APOBR: variants seen among roughly 807,000 people sequenced by gnomAD.
APOBR encodes the protein apoB-48R.
A neutral mutation model predicts 88.5 loss-of-function variants in APOBR; 57 were observed. The observed-to-expected ratio is 0.64, with a 90% CI of 0.52 to 0.80. The LOEUF (loss-of-function observed/expected upper bound fraction) is 0.80, where lower values mean the gene tolerates loss of function less well. Ranked by LOEUF, APOBR falls within the 30% of genes least tolerant of loss-of-function variation. The probability of loss-of-function intolerance (pLI) is 0.00; values close to 1 mark genes in which losing one functional copy is unlikely to be tolerated. For missense variants in APOBR, 1,443 were observed against 1,401.6 expected (o/e 1.03, Z -0.47); for synonymous variants, 588 against 572.7 (o/e 1.03, Z -0.38).
At position 28,496,096 on chromosome 16, in the gene APOBR, AGGAGGCCGGGACAGCCTCAGGAGGGG is replaced by A; in HGVS notation, c.1056_1081del (p.Glu353GlyfsTer21). On this transcript the variant is annotated frameshift_variant, in exon 2 of 4. Coordinates refer to ENST00000564831, the MANE Select transcript of APOBR (RefSeq NM_018690.4). LOFTEE classifies it high-confidence loss of function. ...GAGGCTGGGACAGCCTCAGGAGGGG[AGGAGGCCGGGACAGCCTCAGGAGGGG>A]AGGAGGCCGGGACAGCCTCAGGAGG... 1 of 739,444 alleles carries A rather than the reference AGGAGGCCGGGACAGCCTCAGGAGGGG, an allele frequency of 1.4e-6. No homozygotes were observed. 45.8% of individuals were successfully genotyped at this position (739,444 alleles called of 1,614,324 possible).
chr16:28,498,820 C>T lies in APOBR; in HGVS notation c.*315C>T, dbSNP rs954927605. On this transcript the variant is annotated 3_prime_UTR_variant, in exon 4 of 4. Transcript: ENST00000564831. ...CAAGGAGGCTGGGCACGGGGGCTCA[C>T]GCCTGTCACCCCAGAGCTTTGGGAG... The T allele has an allele frequency of 3.4e-5, 19 of 562,810 alleles. No individual in the cohort carries two copies. In the East Asian group the frequency reaches 5.0e-4, roughly 15 times the overall value. The allele number at this position is 562,810 out of a possible 1,614,324, so 34.9% of individuals were successfully genotyped here.
Position 28,495,683 on chromosome 16 carries a change from GC to G in APOBR, c.644del (p.Pro215GlnfsTer37). 2.0e-6 allele frequency: 3 copies of G among 1,535,420 alleles called. No homozygotes were observed. Among genetic ancestry groups the G allele is most frequent in the Non-Finnish European group, 2.6e-6 (3 of 1,138,116 alleles). ...ETEGKAGAVGPKAAGDNREME... is the reference protein window; with the variant it reads ...ETEGKAGAVGXKAAGDNREME... ...CGGAGGGGAAGGCTGGTGCTGTTGGGCCAAAGGCGGCAGGGGACAACCGGGA... is the reference window on the plus strand; with the variant it reads ...CGGAGGGGAAGGCTGGTGCTGTTGGGCAAAGGCGGCAGGGGACAACCGGGA... On this transcript the variant is annotated frameshift_variant, in exon 2 of 4. Transcript: ENST00000564831. LOFTEE classifies it high-confidence loss of function.
Position 28,497,615 on chromosome 16 carries a change from G to A in APOBR, c.2574G>A (p.Ala858=), listed in dbSNP as rs373764382. Residue 858 remains alanine (A), a synonymous_variant, in exon 2 of 4, where the codon GCG becomes GCA. Coordinates refer to ENST00000564831, the MANE Select transcript of APOBR (RefSeq NM_018690.4). ...GAEDSCGLDP[A]GSQTARAEGM... ...AGGACAGCTGTGGGCTGGATCCCGC[G>A]GGCTCCCAGACAGCGAGGGCAGAGG... 570 of 1,605,902 alleles carry A rather than the reference G, an allele frequency of 3.5e-4. No individual in the cohort carries two copies. Among genetic ancestry groups the A allele is most frequent in the Non-Finnish European group, 4.6e-4 (536 of 1,176,360 alleles).
chr16:28,494,998 A>G (rs1354679384), intron 1 of APOBR, 101 bp from the exon 2 acceptor site: 7 of 1,193,624 alleles, frequency 5.9e-6, no homozygotes, highest in African/African-American at 3.1e-5. Flanking sequence ...TTCAGATCCC[A>G]GTACCCTCTT....
chr16:28,497,399 T>A lies in APOBR; in HGVS notation c.2358T>A (p.Leu786=), dbSNP rs1233350852. Residue 786 remains leucine (L), a synonymous_variant, in exon 2 of 4, where the codon CTT becomes CTA. Transcript: ENST00000564831. Reference sequence around the variant, plus strand: ...CTGGTGAAGCTTTGGAAGGGGTGCTTGGGCAAGGCTGGGACTCGAAAGAAA... The same window carrying A: ...CTGGTGAAGCTTTGGAAGGGGTGCTAGGGCAAGGCTGGGACTCGAAAGAAA... ...AGAGEALEGV[L]GQGWDSKEKE... is the part of the protein sequence containing the mutation. 7 of 1,612,858 alleles carry A rather than the reference T, an allele frequency of 4.3e-6. No homozygotes were observed. The highest frequency in any genetic ancestry group is 5.9e-6 in the Non-Finnish European group (7 of 1,179,510).
At position 28,498,878 on chromosome 16, in the gene APOBR, T is replaced by A. The variant is rs1596574924; in HGVS notation, c.*373T>A. 1.8e-6 allele frequency: 1 copy of A among 564,256 alleles called. No individual in the cohort carries two copies. The allele number at this position is 564,256 out of a possible 1,614,324, so 35.0% of individuals were successfully genotyped here. Reference sequence around the variant, plus strand: ...TGGGAGGATCGCTTGAGACCAGGAGTTCGAGACCAGCCTGGGCAGCATAGC... The same window carrying A: ...TGGGAGGATCGCTTGAGACCAGGAGATCGAGACCAGCCTGGGCAGCATAGC... On this transcript the variant is annotated 3_prime_UTR_variant, in exon 4 of 4. Coordinates refer to ENST00000564831, the MANE Select transcript of APOBR (RefSeq NM_018690.4).
rs767802667 is a variant in APOBR at position 28,496,718 on chromosome 16, C to A, written c.1677C>A (p.Thr559=). 4 of 1,600,414 alleles carry A rather than the reference C, an allele frequency of 2.5e-6. No homozygotes were observed. Among genetic ancestry groups the A allele is most frequent in the Middle Eastern group, 3.3e-4 (2 of 6,040 alleles). Residue 559 remains threonine (T), a synonymous_variant, in exon 2 of 4, where the codon ACC becomes ACA. Transcript: ENST00000564831. ...VEWGGLTHSV[T]KGQGPELMGG... ...GGGGTGGCCTCACACACAGCGTCAC[C>A]AAAGGCCAAGGACCTGAGCTGATGG...
rs756248594 is a variant in APOBR, at chr16:28,496,298, T to A, written c.1257T>A (p.Ala419=). The part of the protein sequence containing the change: ...LEEEGDEERE[A]EVSPFPKQPQ... ...AGGAGGGGGATGAGGAGAGAGAGGC[T>A]GAGGTGAGCCCTTTCCCCAAACAGC... The change falls in exon 2 of 4, where the codon GCT becomes GCA. Residue 419 remains alanine, a synonymous_variant. Transcript: ENST00000564831. 1.3e-5 allele frequency: 20 copies of A among 1,592,116 alleles called. No individual in the cohort carries two copies. The East Asian group carries it at 1.8e-4, about 14-fold the overall frequency.
chr16:28,495,048 G>C (rs1305733281), intron 1 of APOBR, 51 bp from the exon 2 acceptor site: 37 of 1,430,708 alleles, frequency 2.6e-5, no homozygotes, highest in Admixed American at 2.9e-5. Flanking sequence ...CCCAGGGAAA[G>C]GGCTGGGACT....
Position 28,495,530 on chromosome 16 carries a change from T to A in APOBR, c.489T>A (p.His163Gln). Residue 163 changes from histidine (H) to glutamine (Q), a missense_variant, in exon 2 of 4, where the codon CAT becomes CAA. Physicochemically the swap from His to Gln is conservative, Grantham distance 24 (BLOSUM62 0). Coordinates refer to ENST00000564831, the MANE Select transcript of APOBR (RefSeq NM_018690.4). ...AAGCCCAGGAGAGGCAGGAGTCCCA[T>A]GAGCAGGAAGTGAACAGAGAAGAGA... ...SGQAQERQES[H>Q]EQEVNREERL... 1 of 1,567,808 alleles carries A rather than the reference T, an allele frequency of 6.4e-7. No homozygotes were observed. Among genetic ancestry groups the A allele is most frequent in the South Asian group, 1.2e-5 (1 of 85,186 alleles).
In APOBR at chr16:28,495,134, A is replaced by T; in HGVS notation, c.93A>T (p.Gly31=). 6.5e-7 allele frequency: 1 copy of T among 1,547,246 alleles called. No individual in the cohort carries two copies. Among genetic ancestry groups the T allele is most frequent in the Non-Finnish European group, 8.7e-7 (1 of 1,150,934 alleles). ...SLGTFVSYLL[G]DAVPTVEREA... is the part of the protein sequence containing the mutation. ...GCACCTTTGTCTCCTACCTCCTGGGAGATGCAGTCCCCACTGTAGAGCGGG... is the reference window on the plus strand; with the variant it reads ...GCACCTTTGTCTCCTACCTCCTGGGTGATGCAGTCCCCACTGTAGAGCGGG... The change falls in exon 2 of 4, where the codon GGA becomes GGT. Residue 31 remains glycine (G), a synonymous_variant. Transcript: ENST00000564831.
rs556138528 is a variant in APOBR at position 28,496,373 on chromosome 16, C to A, written c.1332C>A (p.Thr444=). 1.9e-6 allele frequency: 3 copies of A among 1,603,354 alleles called. No homozygotes were observed. The highest frequency in any genetic ancestry group is 1.7e-5 in the Admixed American group (1 of 58,506). Residue 444 remains threonine (T), a synonymous_variant, in exon 2 of 4, where the codon ACC becomes ACA. Coordinates refer to ENST00000564831, the MANE Select transcript of APOBR (RefSeq NM_018690.4). The part of the protein sequence containing the change: ...ERTEEAAESQ[T]AGREAVGGQE... ...CAGAAGAGGCTGCTGAGAGCCAGAC[C>A]GCAGGGAGGGAAGCTGTGGGAGGCC...
At position 28,498,515 on chromosome 16, in the gene APOBR, G is replaced by A. The variant is rs933575603; in HGVS notation, c.*10G>A. ...GCCTAAGCCCCAGTGACTGAGACCC[G>A]GTGCTCTGGGAGCCAGGCCCTGAGT... On this transcript the variant is annotated 3_prime_UTR_variant, in exon 4 of 4. Coordinates refer to ENST00000564831, the MANE Select transcript of APOBR (RefSeq NM_018690.4). 10 of 1,583,872 alleles carry A rather than the reference G, an allele frequency of 6.3e-6. No individual in the cohort carries two copies. The highest frequency in any genetic ancestry group is 2.3e-5 in the East Asian group (1 of 43,236).
rs1418270831 is a variant in APOBR at position 28,498,613 on chromosome 16, C to T, written c.*108C>T. On this transcript the variant is annotated 3_prime_UTR_variant, in exon 4 of 4. Transcript: ENST00000564831. ...CCACTGTGGACACATCCTCTCCACC[C>T]TCTGGGCCTCAGTGTCTTGATGTAT... The T allele has an allele frequency of 1.6e-6, 2 of 1,269,880 alleles. No homozygotes were observed. The highest frequency in any genetic ancestry group is 2.2e-6 in the Non-Finnish European group (2 of 926,504). The allele number at this position is 1,269,880 out of a possible 1,614,324, so 78.7% of individuals were successfully genotyped here. A position where few individuals can be genotyped will look rare whatever the true frequency, so the allele number is the denominator to read the frequency against.
Position 28,494,739 on chromosome 16 carries a change from G to C in APOBR, c.57+1G>C. ...GCACCAGGCCTTGAGGGGGGCACTG[G>C]TGAGAAGGGCAGACAGCTGCCAGAT... On this transcript the variant is annotated splice_donor_variant, in intron 1 of 3. Coordinates refer to ENST00000564831, the MANE Select transcript of APOBR (RefSeq NM_018690.4). LOFTEE classifies it high-confidence loss of function. 1.2e-6 allele frequency: 2 copies of C among 1,609,798 alleles called. No individual in the cohort carries two copies. Among genetic ancestry groups the C allele is most frequent in the Non-Finnish European group, 1.7e-6 (2 of 1,177,818 alleles).
Position 28,496,580 on chromosome 16 carries a change from G to A in APOBR, c.1539G>A (p.Glu513=). The A allele has an allele frequency of 1.3e-6, 2 of 1,566,172 alleles. No homozygotes were observed. The highest frequency in any genetic ancestry group is 1.7e-6 in the Non-Finnish European group (2 of 1,155,656). ...TGGCTGAGCTGCCCTCAGATGGAGA[G>A]GCTGAAGGCACTGCCGACTTGGAGG... ...DPVAELPSDG[E]AEGTADLEAT... is the part of the protein sequence containing the mutation. The change falls in exon 2 of 4, where the codon GAG becomes GAA. Residue 513 remains glutamate, a synonymous_variant. Transcript: ENST00000564831.
In APOBR at chr16:28,495,925, T is replaced by C; in HGVS notation, c.884T>C (p.Ile295Thr). The change falls in exon 2 of 4, where the codon ATT (isoleucine) becomes ACT (threonine). Residue 295 changes from isoleucine (I) to threonine (T), a missense_variant. Physicochemically the swap from Ile to Thr is moderately conservative, Grantham distance 89. Coordinates refer to ENST00000564831, the MANE Select transcript of APOBR (RefSeq NM_018690.4). ...CCAGGTAGGGAAGAGGCCAGGGCAA[T>C]TTTAGATGGGGAGGAAGCCAGGACA... ...TTPGREEARAILDGEEARTIS... is the reference protein window; with the variant it reads ...TTPGREEARATLDGEEARTIS... The C allele has an allele frequency of 6.2e-7, 1 of 1,612,458 alleles. No homozygotes were observed. The highest frequency in any genetic ancestry group is 1.1e-5 in the South Asian group (1 of 90,870).
At position 28,496,247 on chromosome 16, in the gene APOBR, T is replaced by C; in HGVS notation, c.1206T>C (p.Ala402=). ...TCCCAGGAGAAAGGCTCCTAGAGGCTACTGGAAAAGTCTGGGTCCTAGAGG... is the reference window on the plus strand; with the variant it reads ...TCCCAGGAGAAAGGCTCCTAGAGGCCACTGGAAAAGTCTGGGTCCTAGAGG... The part of the protein sequence containing the change: ...GAVPGERLLE[A]TGKVWVLEEE... Residue 402 remains alanine, a synonymous_variant, in exon 2 of 4, where the codon GCT becomes GCC. Coordinates refer to ENST00000564831, the MANE Select transcript of APOBR (RefSeq NM_018690.4). 2 of 1,604,024 alleles carry C rather than the reference T, an allele frequency of 1.2e-6. No homozygotes were observed. The highest frequency in any genetic ancestry group is 1.7e-6 in the Non-Finnish European group (2 of 1,175,698).
At position 28,497,126 on chromosome 16, in the gene APOBR, A is replaced by G. The variant is rs40831; in HGVS notation, c.2085A>G (p.Ala695=). 706,520 of 1,603,570 alleles carry G rather than the reference A, an allele frequency of 0.44. 158,570 individuals are homozygous for G. Among genetic ancestry groups the G allele is most frequent in the South Asian group, 0.57 (50,979 of 89,424 alleles). Residue 695 remains alanine (A), a synonymous_variant, in exon 2 of 4, where the codon GCA becomes GCG. Coordinates refer to ENST00000564831, the MANE Select transcript of APOBR (RefSeq NM_018690.4). ...DAGCGTEEGE[A]SVSENQELDG... ...GATGTGGAACTGAGGAGGGAGAGGCATCTGTCTCAGAGAACCAGGAGCTGG... is the reference window on the plus strand; with the variant it reads ...GATGTGGAACTGAGGAGGGAGAGGCGTCTGTCTCAGAGAACCAGGAGCTGG...
Sources: allele counts gnomAD v4.1 joint callset, GRCh38; gene constraint gnomAD v4.1.1; transcripts MANE v1.5; gene names NCBI Gene and HGNC (gene_info 2026-07-23, HGNC 2026-07-21).